Variants in VNN1 observed in about 807,000 individuals in gnomAD.
VNN1 encodes the protein pantetheinase.
In VNN1, 29 loss-of-function variants were observed where a neutral mutation model predicts 41.9. That is an observed-to-expected ratio of 0.69 (90% confidence interval 0.52 to 0.94). The LOEUF is 0.94. Among genes scored for constraint, VNN1 ranks in the 40% least tolerant of loss-of-function variants. The pLI is 0.00. For missense variants in VNN1, 637 were observed against 621.1 expected (o/e 1.03, Z -0.27); for synonymous variants, 233 against 224.4 (o/e 1.04, Z -0.34).
chr6:132,711,950 G>A lies in VNN1; in HGVS notation c.211-111C>T. On this transcript the variant is annotated intron_variant, in intron 1 of 6. Transcript: ENST00000367928. The stretch of plus-strand genomic sequence containing the variant: ...CCCCACACCCCTTAAATCTTATTTT[G>A]TTTTCTATATTTTTATAATTTATTT... 4 of 1,043,568 alleles carry A rather than the reference G, an allele frequency of 3.8e-6. No homozygotes were observed. The South Asian group carries it at 9.7e-5, about 25-fold the overall frequency. The allele number at this position is 1,043,568 out of a possible 1,614,324, so 64.6% of individuals were successfully genotyped here.
intron 2 of VNN1, 36 bp downstream of exon 2, chr6:132,711,673 G>A: frequency 6.3e-7 from 1 of 1,599,532 alleles, no homozygotes; most frequent in South Asian, 1.1e-5. Flanking sequence ...TCAAGTTGAT[G>A]TTTACTAGTG....
chr6:132,707,247 C>T lies in VNN1; in HGVS notation c.341+4462G>A, dbSNP rs976210521. Among the ~76,000 whole-genome samples the T allele has an allele frequency of 5.0e-5, 7 of 139,478 alleles. No individual in the cohort carries two copies. In the South Asian group the frequency reaches 1.2e-3, roughly 24 times the overall value. 91.5% of individuals were successfully genotyped at this position (139,478 alleles called of 152,430 possible). The stretch of plus-strand genomic sequence containing the variant: ...GTCTCAAAAAAAAAAAAAAGCAAAT[C>T]AAAAGTACAATTATATCATCTCACA... On this transcript the variant is annotated intron_variant, in intron 2 of 6. Transcript: ENST00000367928.
intron 2 of VNN1, among the ~76,000 whole-genome samples, chr6:132,707,434 A>T (rs1778535343): frequency 6.6e-6 from 1 of 152,158 alleles, no homozygotes; most frequent in Non-Finnish European, 1.5e-5. Flanking sequence ...CAGCAATCCC[A>T]CTGCTGGGTA....
At chr6:132,687,007 T>C (rs1778218250) in intron 5 of VNN1, among the ~76,000 whole-genome samples, 2 of 151,674 alleles carry the variant, frequency 1.3e-5, no homozygotes, top group African/African-American at 4.9e-5. Flanking sequence ...AAAAATAAAG[T>C]AGTAAAAAAT....
chr6:132,697,066 C>T (rs1434241317), intron 2 of VNN1, among the ~76,000 whole-genome samples: 1 of 151,770 alleles, frequency 6.6e-6, no homozygotes, highest in Non-Finnish European at 1.5e-5. Flanking sequence ...GATTGCGCCC[C>T]TGCACTCCAG....
chr6:132,713,976 G>T lies in VNN1; in HGVS notation c.60C>A (p.Ser20Arg), dbSNP rs760700155. ...AILLFYVSRA[S>R]CQDTFTAAVY... ...CAGCTGCAGTGAAAGTGTCCTGGCA[G>T]CTGGCTCTTGAGACATAGAAAAGCA... Residue 20 changes from serine (S) to arginine (R), a missense_variant, in exon 1 of 7, where the codon AGC becomes AGA. Transcript: ENST00000367928. 27 of 1,614,164 alleles carry T rather than the reference G, an allele frequency of 1.7e-5. No homozygotes were observed. The highest frequency in any genetic ancestry group is 2.3e-5 in the Non-Finnish European group (27 of 1,180,026).
Position 132,692,017 on chromosome 6 carries a change from A to C in VNN1, c.1188+206T>G, listed in dbSNP as rs1778293876. ...AGACTCTGTCTCAAAAAAAAAAAAA[A>C]AAGATTTAGCAAATAAATTTAGCCT... is the stretch of plus-strand genomic sequence containing the variant. On this transcript the variant is annotated intron_variant, in intron 5 of 6. Transcript: ENST00000367928. Among the ~76,000 whole-genome samples, 3 of 152,126 alleles carry C rather than the reference A, an allele frequency of 2.0e-5. No individual in the cohort carries two copies. In the South Asian group the frequency reaches 6.2e-4, roughly 32 times the overall value.
At chr6:132,689,196 T>C (rs999726943) in intron 5 of VNN1, among the ~76,000 whole-genome samples, 1 of 152,082 alleles carries the variant, frequency 6.6e-6, no homozygotes, top group African/African-American at 2.4e-5. Context: ...CTCTCATATT[T>C]TATGTATTTT....
chr6:132,711,950 G>GT, intron 1 of VNN1, 111 bp from the exon 2 acceptor site: 1 of 1,043,568 alleles, frequency 9.6e-7, no homozygotes, highest in Non-Finnish European at 1.3e-6. Context: ...ATCTTATTTT[G>GT]TTTTCTATAT....
rs201169889 is a variant in VNN1 at position 132,694,136 on chromosome 6, T to C, written c.388A>G (p.Asn130Asp). The C allele has an allele frequency of 3.0e-4, 490 of 1,613,462 alleles. 1 individual carries two copies. The highest frequency in any genetic ancestry group is 8.3e-4 in the Middle Eastern group (5 of 6,060). ...VQERLSCLAK[N>D]NSIYVVANIG... ...TTTGCCACAACATAGATAGAGTTGT[T>C]CTTGGCCAGGCAGCTGAGTCTTTCT... Residue 130 changes from asparagine (N) to aspartate (D), a missense_variant, in exon 3 of 7, where the codon AAC (asparagine) becomes GAC (aspartate). Physicochemically the swap from Asn to Asp is conservative, Grantham distance 23. Coordinates refer to ENST00000367928, the MANE Select transcript of VNN1 (RefSeq NM_004666.3).
Position 132,693,200 on chromosome 6 carries a change from T to C in VNN1, c.650A>G (p.His217Arg). The change falls in exon 4 of 7, where the codon CAT becomes CGT. Residue 217 changes from histidine to arginine, a missense_variant. Coordinates refer to ENST00000367928, the MANE Select transcript of VNN1 (RefSeq NM_004666.3). Reference sequence around the variant, plus strand: ...TTTCACCAAGGTAACAGCAGGATCATGGAAGAGTATATCAAAGCATGTGAA... The same window carrying C: ...TTTCACCAAGGTAACAGCAGGATCACGGAAGAGTATATCAAAGCATGTGAA... ...GIFTCFDILF[H>R]DPAVTLVKDF... The C allele has an allele frequency of 6.2e-7, 1 of 1,614,140 alleles. No individual in the cohort carries two copies. Among genetic ancestry groups the C allele is most frequent in the South Asian group, 1.1e-5 (1 of 91,088 alleles).
At chr6:132,689,063 A>G (rs1778245154) in intron 5 of VNN1, among the ~76,000 whole-genome samples, 1 of 151,962 alleles carries the variant, frequency 6.6e-6, no homozygotes, top group Non-Finnish European at 1.5e-5. Context: ...TAATTTTTGT[A>G]TTTTTAGTAG....
At chr6:132,701,493 C>A (rs1351780961) in intron 2 of VNN1, among the ~76,000 whole-genome samples, 1 of 152,150 alleles carries the variant, frequency 6.6e-6, no homozygotes, top group Non-Finnish European at 1.5e-5. Flanking sequence ...TGTAACAAGA[C>A]AAGGAAGCCC....
rs1053235603 is a variant in VNN1, at chr6:132,698,877, G to C, written c.342-4695C>G. ...TCTAGATGTCAGTTAAAGATCTGTG[G>C]TTTGAGACTAATTGAGTTTGCACAT... On this transcript the variant is annotated intron_variant, in intron 2 of 6. Coordinates refer to ENST00000367928, the MANE Select transcript of VNN1 (RefSeq NM_004666.3). 4.2e-5 allele frequency: 9 copies of C among 211,928 alleles called. No homozygotes were observed. In the South Asian group the frequency reaches 4.9e-4, roughly 11 times the overall value. 13.1% of individuals were successfully genotyped at this position (211,928 alleles called of 1,614,324 possible). A position where few individuals can be genotyped will look rare whatever the true frequency, so the allele number is the denominator to read the frequency against.
chr6:132,696,883 C>A (rs142202609), intron 2 of VNN1, among the ~76,000 whole-genome samples: 1 of 152,020 alleles, frequency 6.6e-6, no homozygotes, highest in African/African-American at 2.4e-5. Context: ...GCCAGTGGAA[C>A]ACCTGAGGTC....
At chr6:132,711,277 C>T (rs1358397354) in intron 2 of VNN1, among the ~76,000 whole-genome samples, 1 of 151,818 alleles carries the variant, frequency 6.6e-6, no homozygotes, top group Non-Finnish European at 1.5e-5. Context: ...AAAATCCTGC[C>T]ATATCACCTC....
intron 2 of VNN1, among the ~76,000 whole-genome samples, chr6:132,702,973 G>A (rs1024543596): frequency 2.1e-4 from 32 of 152,108 alleles, no homozygotes; most frequent in African/African-American, 7.5e-4. Context: ...GGAGGCATGG[G>A]GAGGAAAGGA....
chr6:132,713,785 T>A, intron 1 of VNN1, 41 bp downstream of exon 1: 1 of 1,599,652 alleles, frequency 6.3e-7, no homozygotes, highest in Non-Finnish European at 8.5e-7. Context: ...CCCTCCTTTC[T>A]CATAGAATCC....
chr6:132,690,556 C>T (rs555673376), intron 5 of VNN1, among the ~76,000 whole-genome samples: 6 of 152,210 alleles, frequency 3.9e-5, no homozygotes, highest in Non-Finnish European at 8.8e-5. Context: ...AATGTGCATT[C>T]TACGGACAAT....
Sources: allele counts gnomAD v4.1 joint callset (sites outside exome capture counted in the v4.1 genomes callset), GRCh38; gene constraint gnomAD v4.1.1; transcripts MANE v1.5; gene names NCBI Gene and HGNC (gene_info 2026-07-23, HGNC 2026-07-21).